Variants in MGAT5 observed in about 807,000 individuals in gnomAD.
The protein encoded by MGAT5 is alpha-1,6-mannosylglycoprotein 6-beta-N-acetylglucosaminyltransferase A.
Under a neutral mutation model 94.3 loss-of-function variants are expected in MGAT5, and 30 were observed. The ratio of observed to expected loss-of-function variants is 0.32; its 90% CI spans 0.24 to 0.43. MGAT5 has a LOEUF of 0.43. Among genes scored for constraint, MGAT5 ranks in the 20% least tolerant of loss-of-function variants. The pLI, the probability that MGAT5 is intolerant of heterozygous loss-of-function variation, is 1.00. For missense variants in MGAT5, 691 were observed against 905.5 expected, an observed-to-expected ratio of 0.76 and a Z score of 3.04; for synonymous variants, 310 against 322.9, an observed-to-expected ratio of 0.96 and a Z score of 0.43.
intron 1 of MGAT5, among the ~76,000 whole-genome samples, chr2:134,186,722 A>G (rs761396502): frequency 9.2e-5 from 14 of 152,208 alleles, no homozygotes; most frequent in Non-Finnish European, 1.9e-4. Context: ...TTTACTCTGT[A>G]TAACCGAGTC....
upstream of MGAT5, among the ~76,000 whole-genome samples, chr2:134,249,538 T>A (rs1480255331): frequency 6.6e-6 from 1 of 152,234 alleles, no homozygotes; most frequent in South Asian, 2.1e-4. Context: ...TTTTGCTTAG[T>A]ATAATGTTCT....
chr2:134,135,705 A>T (rs1686375198), intron 1 of MGAT5, among the ~76,000 whole-genome samples: 1 of 151,058 alleles, frequency 6.6e-6, no homozygotes, highest in Non-Finnish European at 1.5e-5. Context: ...AAAAAAAAAA[A>T]AAAAAAAAAG....
chr2:134,354,950 C>A (rs571400108), intron 9 of MGAT5, among the ~76,000 whole-genome samples: 1 of 152,266 alleles, frequency 6.6e-6, no homozygotes, highest in South Asian at 2.1e-4. Flanking sequence ...CAGGCTGTTT[C>A]TCCTCAGAGA....
intron 2 of MGAT5, among the ~76,000 whole-genome samples, chr2:134,282,991 GA>G (rs35915258): frequency 0.18 from 24,327 of 138,022 alleles, 2,047 homozygotes; most frequent in Middle Eastern, 0.37. Flanking sequence ...AACCAAAACC[GA>G]AAAAAAAAAA....
At chr2:134,186,927 G>A (rs1050773089) in intron 1 of MGAT5, among the ~76,000 whole-genome samples, 9 of 152,194 alleles carry the variant, frequency 5.9e-5, no homozygotes, top group African/African-American at 1.7e-4. Flanking sequence ...ATAGTGCCGC[G>A]TGGGGAGCTA....
At chr2:134,157,054 G>C (rs533290839) in intron 1 of MGAT5, among the ~76,000 whole-genome samples, 1 of 152,224 alleles carries the variant, frequency 6.6e-6, no homozygotes, top group Non-Finnish European at 1.5e-5. Context: ...GCTAGTCTTT[G>C]GCATTTTACT....
intron 10 of MGAT5, among the ~76,000 whole-genome samples, chr2:134,364,107 C>G (rs1318088651): frequency 6.6e-6 from 1 of 152,144 alleles, no homozygotes; most frequent in Non-Finnish European, 1.5e-5. Context: ...TTTTCCCTTT[C>G]CCTAGAAAAA....
At chr2:134,363,256 A>G (rs1269455857) in intron 10 of MGAT5, among the ~76,000 whole-genome samples, 1 of 152,172 alleles carries the variant, frequency 6.6e-6, no homozygotes. Context: ...TTGCTAGCCA[A>G]GGAAGTTAGG....
At position 134,203,732 on chromosome 2, in the gene MGAT5, A is replaced by G. The variant is rs149366322; in HGVS notation, c.-142-50530A>G. Among the ~76,000 whole-genome samples, 136 of 152,236 alleles carry G rather than the reference A, an allele frequency of 8.9e-4. 1 individual carries two copies. Among genetic ancestry groups the G allele is most frequent in the African/African-American group, 3.3e-3 (135 of 41,528 alleles). On this transcript the variant is annotated intron_variant, in intron 1 of 16. Transcript: ENST00000409645. ...GACCTCTTCCTCCATTTAAAATAAAAAATTATATTTTCATGACTGTGTCCA... is the reference window on the plus strand; with the variant it reads ...GACCTCTTCCTCCATTTAAAATAAAGAATTATATTTTCATGACTGTGTCCA...
intron 9 of MGAT5, among the ~76,000 whole-genome samples, chr2:134,353,902 A>T (rs1006477187): frequency 6.6e-6 from 1 of 152,166 alleles, no homozygotes; most frequent in South Asian, 2.1e-4. Flanking sequence ...CAAAAAAAAA[A>T]AATAGTTCCT....
chr2:134,144,198 A>G (rs1686797923), intron 1 of MGAT5, among the ~76,000 whole-genome samples: 1 of 152,132 alleles, frequency 6.6e-6, no homozygotes, highest in African/African-American at 2.4e-5. Flanking sequence ...GGTAATTTAT[A>G]AAGAAAAGAG....
intron 1 of MGAT5, among the ~76,000 whole-genome samples, chr2:134,176,809 C>T (rs1169756502): frequency 6.6e-6 from 1 of 152,124 alleles, no homozygotes; most frequent in Non-Finnish European, 1.5e-5. Flanking sequence ...GCAGGCTCCC[C>T]TTGGAGTGGC....
chr2:134,204,159 G>T (rs527316890), intron 1 of MGAT5, among the ~76,000 whole-genome samples: 2 of 152,198 alleles, frequency 1.3e-5, no homozygotes, highest in South Asian at 4.1e-4. Context: ...TCATGCTAGC[G>T]CTCATTTCAT....
At chr2:134,307,688 T>C (rs1686415576) in intron 2 of MGAT5, among the ~76,000 whole-genome samples, 1 of 152,144 alleles carries the variant, frequency 6.6e-6, no homozygotes, top group Non-Finnish European at 1.5e-5. Flanking sequence ...TCCTGTGCCC[T>C]CTCAGACAGA....
At chr2:134,321,644 T>G (rs1004675778) in intron 4 of MGAT5, among the ~76,000 whole-genome samples, 1 of 152,228 alleles carries the variant, frequency 6.6e-6, no homozygotes, top group Non-Finnish European at 1.5e-5. Context: ...TTTCTCTTCC[T>G]GAGGTGTGAA....
chr2:134,258,705 A>G (rs775137445), intron 1 of MGAT5, among the ~76,000 whole-genome samples: 52 of 152,222 alleles, frequency 3.4e-4, no homozygotes, highest in Non-Finnish European at 7.3e-4. Context: ...CATAAAATGT[A>G]GCATTTCTCT....
intron 1 of MGAT5, among the ~76,000 whole-genome samples, chr2:134,154,790 C>T (rs1037778770): frequency 1.4e-4 from 21 of 152,256 alleles, no homozygotes; most frequent in South Asian, 2.1e-4. Context: ...AGCTGTGAGG[C>T]GATCAAGTTA....
chr2:134,192,866 G>A (rs994136224), intron 1 of MGAT5, among the ~76,000 whole-genome samples: 1 of 151,780 alleles, frequency 6.6e-6, no homozygotes. Context: ...AAATATAAGT[G>A]TATTTTTGTG....
At chr2:134,136,134 A>G (rs1162230876) in intron 1 of MGAT5, among the ~76,000 whole-genome samples, 1 of 152,228 alleles carries the variant, frequency 6.6e-6, no homozygotes, top group Non-Finnish European at 1.5e-5. Context: ...ATGTCACATT[A>G]GAGATGATTA....
Sources: gnomAD v4.1 joint callset for allele counts (sites outside exome capture counted in the v4.1 genomes callset) on GRCh38, gnomAD v4.1.1 for gene constraint, MANE v1.5 for transcripts, NCBI Gene and HGNC (gene_info 2026-07-23, HGNC 2026-07-21) for gene names.